The following TICRR variants were observed in gnomAD, a reference collection of about 807,000 sequenced individuals.
TICRR encodes treslin.
TICRR carries 132 observed loss-of-function variants against 178.1 expected under a neutral mutation model. The ratio of observed to expected loss-of-function variants is 0.74; its 90% CI spans 0.64 to 0.86. The LOEUF (loss-of-function observed/expected upper bound fraction) is 0.86, where lower values mean the gene tolerates loss of function less well. Ranked by LOEUF, TICRR falls within the 40% of genes least tolerant of loss-of-function variation. TICRR has a pLI of 0.00. For missense variants in TICRR, 2,587 were observed against 2,334.3 expected, an observed-to-expected ratio of 1.11 and a Z score of -2.23; for synonymous variants, 991 against 900.7, an observed-to-expected ratio of 1.10 and a Z score of -1.79.
intron 3 of TICRR, among the ~76,000 whole-genome samples, chr15:89,585,442 G>A (rs1962803996): frequency 6.6e-6 from 1 of 152,076 alleles, no homozygotes; most frequent in Non-Finnish European, 1.5e-5. Flanking sequence ...TTACCTCAGG[G>A]CGATTGTGAG....
At position 89,595,389 on chromosome 15, in the gene TICRR, G is replaced by T; in HGVS notation, c.1682-4G>T. ...CTTTCCCTCCTCTGATGTTGTTTTG[G>T]TAGGAGGGGTCCCTCGTACTCCAGT... On this transcript the variant is annotated splice_polypyrimidine_tract_variant and splice_region_variant and intron_variant, in intron 6 of 21. Transcript: ENST00000268138. 1 of 1,610,244 alleles carries T rather than the reference G, an allele frequency of 6.2e-7. No individual in the cohort carries two copies. The highest frequency in any genetic ancestry group is 8.5e-7 in the Non-Finnish European group (1 of 1,176,676).
chr15:89,575,846 G>T lies in TICRR; in HGVS notation c.260G>T (p.Arg87Leu), dbSNP rs1405387332. 4 of 1,586,654 alleles carry T rather than the reference G, an allele frequency of 2.5e-6. No individual in the cohort carries two copies. The highest frequency in any genetic ancestry group is 3.4e-6 in the Non-Finnish European group (4 of 1,169,228). ...GAGCTGGAGGCCAGGCTCGAGGATCGCGCCCACCTGCCCGGCCCGGCGCCC... is the reference window on the plus strand; with the variant it reads ...GAGCTGGAGGCCAGGCTCGAGGATCTCGCCCACCTGCCCGGCCCGGCGCCC... ...EEELEARLEDRAHLPGPAPRA... is the reference protein window; with the variant it reads ...EEELEARLEDLAHLPGPAPRA... Residue 87 changes from arginine to leucine, a missense_variant, in exon 1 of 22, where the codon CGC becomes CTC. Arg to Leu is a moderately radical substitution (Grantham distance 102, BLOSUM62 -2). Coordinates refer to ENST00000268138, the MANE Select transcript of TICRR (RefSeq NM_152259.4).
intron 1 of TICRR, among the ~76,000 whole-genome samples, chr15:89,576,490 C>T (rs1962617157): frequency 6.6e-6 from 1 of 152,126 alleles, no homozygotes. Context: ...CTACACACTA[C>T]ATCTACTCTA....
chr15:89,608,495 G>A (rs894716253), intron 14 of TICRR, among the ~76,000 whole-genome samples: 1 of 152,176 alleles, frequency 6.6e-6, no homozygotes, highest in Non-Finnish European at 1.5e-5. Flanking sequence ...AAGACAATTT[G>A]ATGGAGAATG....
intron 1 of TICRR, among the ~76,000 whole-genome samples, chr15:89,580,648 C>CT (rs1409768586): frequency 2.6e-5 from 4 of 151,992 alleles, no homozygotes; most frequent in Non-Finnish European, 5.9e-5. Context: ...TACATGGGAT[C>CT]TTTTTTTTGT....
intron 5 of TICRR, 108 bp from the exon 6 acceptor site, chr15:89,594,307 C>T (rs752648013): frequency 2.8e-5 from 26 of 921,210 alleles, no homozygotes; most frequent in Non-Finnish European, 3.7e-5. Flanking sequence ...CTTGTGGGGA[C>T]ATCTTTTTGG....
chr15:89,621,571 T>C (rs767251986), intron 19 of TICRR, 21 bp downstream of exon 19: 17 of 1,593,484 alleles, frequency 1.1e-5, no homozygotes, highest in Non-Finnish European at 1.5e-5. Context: ...TCTGTAATGT[T>C]TGAAATAATA....
At chr15:89,622,632 C>T (rs565321099) in intron 19 of TICRR, among the ~76,000 whole-genome samples, 29 of 152,314 alleles carry the variant, frequency 1.9e-4, no homozygotes, top group African/African-American at 6.7e-4. Context: ...ATCTACACAA[C>T]CAAGATCAGT....
chr15:89,576,147 G>A lies in TICRR; in HGVS notation c.561G>A (p.Gln187=). The A allele has an allele frequency of 6.2e-7, 1 of 1,607,390 alleles. No homozygotes were observed. The highest frequency in any genetic ancestry group is 8.5e-7 in the Non-Finnish European group (1 of 1,179,984). The change falls in exon 1 of 22, where the codon CAG becomes CAA. Residue 187 remains glutamine (Q), a synonymous_variant. Coordinates refer to ENST00000268138, the MANE Select transcript of TICRR (RefSeq NM_152259.4). The part of the protein sequence containing the change: ...QAQRLPPTPK[Q]VMEKLLPKRV... Reference sequence around the variant, plus strand: ...AGCGCCTGCCGCCCACCCCTAAGCAGGTGATGGAGAAGTTGTTGCCCAAGA... The same window carrying A: ...AGCGCCTGCCGCCCACCCCTAAGCAAGTGATGGAGAAGTTGTTGCCCAAGA...
chr15:89,626,595 C>T (rs188822669), intron 21 of TICRR, among the ~76,000 whole-genome samples: 141 of 152,170 alleles, frequency 9.3e-4, no homozygotes, highest in Middle Eastern at 3.4e-3. Context: ...AGGGGGAGTG[C>T]AGGAGGAGGG....
intron 7 of TICRR, among the ~76,000 whole-genome samples, chr15:89,598,466 G>A: frequency 6.6e-6 from 1 of 151,986 alleles, no homozygotes; most frequent in African/African-American, 2.4e-5. Flanking sequence ...AGGTTCAAGT[G>A]ATTCTCCTGT....
At position 89,624,933 on chromosome 15, in the gene TICRR, C is replaced by A. The variant is rs146481590; in HGVS notation, c.4623C>A (p.Asp1541Glu). The A allele has an allele frequency of 2.1e-4, 337 of 1,614,020 alleles. No homozygotes were observed. The highest frequency in any genetic ancestry group is 2.8e-4 in the Non-Finnish European group (327 of 1,180,046). Residue 1541 changes from aspartate (D) to glutamate (E), a missense_variant, in exon 20 of 22, where the codon GAC (aspartate) becomes GAA (glutamate). Coordinates refer to ENST00000268138, the MANE Select transcript of TICRR (RefSeq NM_152259.4). ...GRQCQASAQL[D>E]NLPASAWHST... ...AGTGCCAGGCTTCGGCACAACTAGA[C>A]AACCTGCCAGCATCAGCTTGGCATT...
chr15:89,583,932 C>T (rs1391906411), intron 2 of TICRR, among the ~76,000 whole-genome samples: 3 of 152,214 alleles, frequency 2.0e-5, no homozygotes, highest in African/African-American at 7.2e-5. Context: ...AAGTGATCCT[C>T]TGGCCTTGGC....
rs1227317108 is a variant in TICRR, at chr15:89,585,846, G to A, written c.1315G>A (p.Ala439Thr). 6.2e-7 allele frequency: 1 copy of A among 1,613,996 alleles called. No homozygotes were observed. The highest frequency in any genetic ancestry group is 1.3e-5 in the African/African-American group (1 of 74,888). Residue 439 changes from alanine (A) to threonine (T), a missense_variant, in exon 4 of 22, where the codon GCT (alanine) becomes ACT (threonine). Transcript: ENST00000268138. ...FQRHVLQTAV[A>T]DSPRDTASLF... ...ACGACATGTTCTCCAAACAGCTGTG[G>A]CTGACAGCCCCCGGGACACAGCTTC...
rs1198811095 is a variant in TICRR, at chr15:89,576,034, T to G, written c.448T>G (p.Leu150Val). The G allele has an allele frequency of 1.9e-5, 30 of 1,610,124 alleles. No homozygotes were observed. The East Asian group carries it at 6.5e-4, about 35-fold the overall frequency. Residue 150 changes from leucine (L) to valine (V), a missense_variant, in exon 1 of 22, where the codon TTG becomes GTG. Physicochemically the swap from Leu to Val is conservative, Grantham distance 32. Transcript: ENST00000268138. ...GGAGGCCGAGGCCGCGCTCGGGGGC[T>G]TGGTGAACGCCGTCTTCCTCCTGGC... is the stretch of plus-strand genomic sequence containing the variant. ...AKEAEAALGG[L>V]VNAVFLLAPC...
At chr15:89,615,888 G>A (rs2141976103) in intron 15 of TICRR, among the ~76,000 whole-genome samples, 1 of 151,008 alleles carries the variant, frequency 6.6e-6, no homozygotes, top group African/African-American at 2.4e-5. Flanking sequence ...TATTTATATT[G>A]TCTTTTTTTT....
At chr15:89,611,668 T>A (rs1355875449) in intron 15 of TICRR, among the ~76,000 whole-genome samples, 1 of 152,106 alleles carries the variant, frequency 6.6e-6, no homozygotes, top group Non-Finnish European at 1.5e-5. Flanking sequence ...TCATTTTTTT[T>A]TTAATTATTT....
At chr15:89,592,405 A>G (rs1452067952) in intron 5 of TICRR, among the ~76,000 whole-genome samples, 1 of 152,192 alleles carries the variant, frequency 6.6e-6, no homozygotes, top group Non-Finnish European at 1.5e-5. Flanking sequence ...AAAATTTACC[A>G]AAGTAATTCG....
chr15:89,606,974 C>T, intron 14 of TICRR, 149 bp downstream of exon 14: 1 of 555,606 alleles, frequency 1.8e-6, no homozygotes, highest in Non-Finnish European at 3.2e-6. Flanking sequence ...TGGACATAGT[C>T]CCCTAGGAAT....
Sources: allele counts gnomAD v4.1 joint callset (sites outside exome capture counted in the v4.1 genomes callset), GRCh38; gene constraint gnomAD v4.1.1; transcripts MANE v1.5; gene names NCBI Gene and HGNC (gene_info 2026-07-23, HGNC 2026-07-21).